Variants in PDZRN3 observed in about 807,000 individuals in gnomAD.
PDZRN3 encodes the protein E3 ubiquitin-protein ligase PDZRN3.
A neutral mutation model predicts 85.7 loss-of-function variants in PDZRN3; 38 were observed. The ratio of observed to expected loss-of-function variants is 0.44; its 90% CI spans 0.34 to 0.58. The LOEUF (loss-of-function observed/expected upper bound fraction) is 0.58, where lower values mean the gene tolerates loss of function less well. Ranked by LOEUF, PDZRN3 falls within the 20% of genes least tolerant of loss-of-function variation. PDZRN3 has a pLI of 0.01. For missense variants in PDZRN3, 1,629 were observed against 1,506.4 expected (o/e 1.08, Z -1.35); for synonymous variants, 759 against 638.0 (o/e 1.19, Z -2.86).
At chr3:73,553,390 A>G (rs1701608667) in intron 3 of PDZRN3, among the ~76,000 whole-genome samples, 1 of 152,120 alleles carries the variant, frequency 6.6e-6, no homozygotes, top group Admixed American at 6.5e-5. Context: ...CCTGACCAAC[A>G]TGGTGAAACC....
chr3:73,524,597 C>A (rs1435793199), intron 3 of PDZRN3, among the ~76,000 whole-genome samples: 2 of 152,154 alleles, frequency 1.3e-5, no homozygotes, highest in Non-Finnish European at 2.9e-5. Flanking sequence ...TTGGTTTTCT[C>A]TTGCTGCTTT....
chr3:73,407,557 T>C (rs1701879505), intron 3 of PDZRN3, among the ~76,000 whole-genome samples: 1 of 152,216 alleles, frequency 6.6e-6, no homozygotes, highest in Non-Finnish European at 1.5e-5. Flanking sequence ...GCACAAATGT[T>C]TTCTCATTCA....
At chr3:73,487,835 T>G (rs2106650622) in intron 3 of PDZRN3, among the ~76,000 whole-genome samples, 1 of 152,356 alleles carries the variant, frequency 6.6e-6, no homozygotes, top group South Asian at 2.1e-4. Context: ...GGCCTTTGGC[T>G]GCTCATTACT....
chr3:73,390,873 C>T lies in PDZRN3; in HGVS notation c.1353+145G>A, dbSNP rs140101288. The T allele has an allele frequency of 5.7e-4, 326 of 575,150 alleles. 2 individuals are homozygous for T. Among genetic ancestry groups the T allele is most frequent in the Middle Eastern group, 4.5e-3 (10 of 2,224 alleles). The allele number at this position is 575,150 out of a possible 1,614,324, so 35.6% of individuals were successfully genotyped here. A position where few individuals can be genotyped will look rare whatever the true frequency, so the allele number is the denominator to read the frequency against. On this transcript the variant is annotated intron_variant, in intron 6 of 9. Transcript: ENST00000263666. ...ACTTAACCTCCGTGGAAAGATGCAGCGCCATGGAGTGTGATGAGGGGGACA... is the reference window on the plus strand; with the variant it reads ...ACTTAACCTCCGTGGAAAGATGCAGTGCCATGGAGTGTGATGAGGGGGACA...
chr3:73,412,780 A>C (rs764773392), intron 3 of PDZRN3, among the ~76,000 whole-genome samples: 4 of 152,258 alleles, frequency 2.6e-5, no homozygotes, highest in Non-Finnish European at 5.9e-5. Flanking sequence ...GTTCATGCCT[A>C]GTGCATACCA....
chr3:73,519,177 T>A (rs1469667834), intron 3 of PDZRN3, among the ~76,000 whole-genome samples: 3 of 151,852 alleles, frequency 2.0e-5, no homozygotes, highest in Non-Finnish European at 4.4e-5. Flanking sequence ...GCTGATGGAG[T>A]CCCTTGGGCA....
intron 3 of PDZRN3, among the ~76,000 whole-genome samples, chr3:73,551,921 G>C (rs1701568394): frequency 6.6e-6 from 1 of 152,114 alleles, no homozygotes; most frequent in Admixed American, 6.5e-5. Context: ...AAAAGCCTGA[G>C]GTCTGGAGAA....
chr3:73,435,424 C>T (rs1165441805), intron 3 of PDZRN3, among the ~76,000 whole-genome samples: 2 of 152,148 alleles, frequency 1.3e-5, no homozygotes, highest in Non-Finnish European at 2.9e-5. Flanking sequence ...TTTGATGCTG[C>T]GCAGGGCCCT....
intron 3 of PDZRN3, among the ~76,000 whole-genome samples, chr3:73,424,348 G>A: frequency 7.7e-6 from 1 of 130,586 alleles, no homozygotes; most frequent in East Asian, 2.3e-4. Flanking sequence ...TGGCTAACAT[G>A]GTGAAACCCC....
At chr3:73,554,136 C>T (rs1701632370) in intron 3 of PDZRN3, among the ~76,000 whole-genome samples, 1 of 152,088 alleles carries the variant, frequency 6.6e-6, no homozygotes, top group Admixed American at 6.5e-5. Flanking sequence ...TGGAGAATGG[C>T]CACCACTTAG....
chr3:73,558,576 CT>C (rs899246203), intron 3 of PDZRN3, among the ~76,000 whole-genome samples: 1 of 152,210 alleles, frequency 6.6e-6, no homozygotes, highest in African/African-American at 2.4e-5. Context: ...GCAAACTCCC[CT>C]TCCTCCTCTT....
At chr3:73,554,376 A>C (rs182996950) in intron 3 of PDZRN3, among the ~76,000 whole-genome samples, 2 of 147,028 alleles carry the variant, frequency 1.4e-5, no homozygotes, top group African/African-American at 5.3e-5. Flanking sequence ...ACACACACAC[A>C]CACACACACT....
Position 73,384,885 on chromosome 3 carries a change from A to C in PDZRN3, c.1681T>G (p.Leu561Val). Residue 561 changes from leucine (L) to valine (V), a missense_variant, in exon 10 of 10, where the codon TTG (leucine) becomes GTG (valine). Coordinates refer to ENST00000263666, the MANE Select transcript of PDZRN3 (RefSeq NM_015009.3). The stretch of plus-strand genomic sequence containing the variant: ...CTGTCCTTCTCGTGCTGGTTGGACA[A>C]GATGGTGGCTGTATCTGTGGTCCCA... ...DGGTTDTATI[L>V]SNQHEKDSGV... The C allele has an allele frequency of 6.2e-7, 1 of 1,612,832 alleles. No homozygotes were observed.
chr3:73,604,165 T>C, intron 2 of PDZRN3, among the ~76,000 whole-genome samples: 1 of 152,212 alleles, frequency 6.6e-6, no homozygotes, highest in Admixed American at 6.5e-5. Flanking sequence ...CTTTACCATC[T>C]GAATACCTCT....
chr3:73,474,389 G>T, intron 3 of PDZRN3: 1 of 937,242 alleles, frequency 1.1e-6, no homozygotes, highest in Non-Finnish European at 1.5e-6. Flanking sequence ...GGTGTATAAT[G>T]AGCAAATACA....
At chr3:73,448,620 A>G (rs1403592659) in intron 3 of PDZRN3, among the ~76,000 whole-genome samples, 1 of 152,184 alleles carries the variant, frequency 6.6e-6, no homozygotes, top group East Asian at 1.9e-4. Context: ...AAGCTGCTAT[A>G]CAGACCACAT....
intron 3 of PDZRN3, among the ~76,000 whole-genome samples, chr3:73,416,850 GTTTT>G (rs1233217783): frequency 9.0e-6 from 1 of 111,630 alleles, no homozygotes; most frequent in African/African-American, 3.2e-5. Flanking sequence ...ACCTGCCTAG[GTTTT>G]TTTTTTGTTT....
At chr3:73,554,470 A>G (rs1395787802) in intron 3 of PDZRN3, among the ~76,000 whole-genome samples, 1 of 152,074 alleles carries the variant, frequency 6.6e-6, no homozygotes, top group African/African-American at 2.4e-5. Context: ...CGACATCATC[A>G]TCATCATCAC....
At position 73,383,993 on chromosome 3, in the gene PDZRN3, G is replaced by A; in HGVS notation, c.2573C>T (p.Ala858Val). 1 of 1,589,798 alleles carries A rather than the reference G, an allele frequency of 6.3e-7. No homozygotes were observed. Among genetic ancestry groups the A allele is most frequent in the Non-Finnish European group, 8.5e-7 (1 of 1,170,172 alleles). Residue 858 changes from alanine to valine, a missense_variant, in exon 10 of 10, where the codon GCC becomes GTC. By Grantham distance (64) the Ala-to-Val change is moderately conservative. Transcript: ENST00000263666. Reference sequence around the variant, plus strand: ...GGAGTGGTGATAGGAGGGCAGGTAGGCGCTGCCCAGCTTCTGGCTGGGCGT... The same window carrying A: ...GGAGTGGTGATAGGAGGGCAGGTAGACGCTGCCCAGCTTCTGGCTGGGCGT... The part of the protein sequence containing the change: ...SPTPSQKLGS[A>V]YLPSYHHSPY...
Sources: allele counts gnomAD v4.1 joint callset (sites outside exome capture counted in the v4.1 genomes callset), GRCh38; gene constraint gnomAD v4.1.1; transcripts MANE v1.5; gene names NCBI Gene and HGNC (gene_info 2026-07-23, HGNC 2026-07-21).